Variants in BANP observed in about 807,000 individuals in gnomAD.
The protein encoded by BANP is BTG3 associated nuclear protein.
BANP carries 11 observed loss-of-function variants against 68.1 expected under a neutral mutation model. The observed-to-expected ratio is 0.16, with a 90% CI of 0.10 to 0.27. BANP has a LOEUF of 0.27. BANP is among the 10% of genes least tolerant of loss of function. The probability of loss-of-function intolerance (pLI) is 1.00; values close to 1 mark genes in which losing one functional copy is unlikely to be tolerated. For synonymous variants in BANP, 329 were observed against 303.2 expected (o/e 1.09, Z -0.88); for missense variants, 504 against 722.7 (o/e 0.70, Z 3.47).
In BANP at chr16:88,004,404, A is replaced by T; in HGVS notation, c.472A>T (p.Ile158Phe). 1 of 1,522,232 alleles carries T rather than the reference A, an allele frequency of 6.6e-7. No individual in the cohort carries two copies. The highest frequency in any genetic ancestry group is 1.2e-5 in the South Asian group (1 of 82,872). The allele number at this position is 1,522,232 out of a possible 1,614,324, so 94.3% of individuals were successfully genotyped here. A position where few individuals can be genotyped will look rare whatever the true frequency, so the allele number is the denominator to read the frequency against. The change falls in exon 5 of 14, where the codon ATT (isoleucine) becomes TTT (phenylalanine). Residue 158 changes from isoleucine to phenylalanine, a missense_variant. Physicochemically the swap from Ile to Phe is conservative, Grantham distance 21 (BLOSUM62 0). This residue lies in a region of BANP where 238 missense variants were observed against 278.9 expected (regional missense o/e 0.85). Transcript: ENST00000682872. This position sits in a 1 kb window ranked among gnomAD's most constrained non-coding sequence, Gnocchi z 7.0. ...NRAPDSLENV[I>F]SNAVPGRRQN... ...GGCACCGGATTCCCTGGAAAATGTC[A>T]TTAGCAAGTCAGTAGCACGGCACCA...
At position 87,962,167 on chromosome 16, in the gene BANP, G is replaced by T. The variant is rs552312017; in HGVS notation, c.-69+10652G>T. Among the ~76,000 whole-genome samples, 39 of 151,032 alleles carry T rather than the reference G, an allele frequency of 2.6e-4. 1 individual carries two copies. Among genetic ancestry groups the T allele is most frequent in the African/African-American group, 9.5e-4 (39 of 41,016 alleles). ...AGGCAGGAGAATCACTTGAACCCGG[G>T]AGGTGGAGGTTGCAGTGAGCCGAGA... is the stretch of plus-strand genomic sequence containing the variant. On this transcript the variant is annotated intron_variant, in intron 1 of 13. Coordinates refer to ENST00000682872, the MANE Select transcript of BANP (RefSeq NM_001386991.1).
At chr16:87,997,230 A>G (rs2067500481) in intron 4 of BANP, among the ~76,000 whole-genome samples, 1 of 152,226 alleles carries the variant, frequency 6.6e-6, no homozygotes, top group Admixed American at 6.5e-5. Flanking sequence ...AAGTGTTGGG[A>G]TTACAGGTGT....
intron 4 of BANP, among the ~76,000 whole-genome samples, chr16:87,985,970 TA>T (rs376473376): frequency 3.3e-5 from 5 of 152,328 alleles, no homozygotes; most frequent in African/African-American, 1.2e-4. Flanking sequence ...TTCAGAGAGT[TA>T]GAAGCATGTT....
rs193179624 is a variant in BANP at position 87,966,631 on chromosome 16, C to G, written c.-68-8417C>G. The stretch of plus-strand genomic sequence containing the variant: ...AGGATTCAGGATTTTATGGTGAGTT[C>G]AGAGCATTTTCTGAAGCCACTTGCA... On this transcript the variant is annotated intron_variant, in intron 1 of 13. Coordinates refer to ENST00000682872, the MANE Select transcript of BANP (RefSeq NM_001386991.1). The G allele has an allele frequency of 2.6e-5, 4 of 152,200 alleles. No individual in the cohort carries two copies. In the East Asian group the frequency reaches 7.7e-4, roughly 29 times the overall value. 9.4% of individuals were successfully genotyped at this position (152,200 alleles called of 1,614,324 possible).
intron 4 of BANP, among the ~76,000 whole-genome samples, chr16:87,994,430 A>G (rs2066674185): frequency 6.6e-6 from 1 of 152,226 alleles, no homozygotes; most frequent in South Asian, 2.1e-4. Context: ...CTCAAAGCCA[A>G]TTGCCAGAAG....
chr16:88,050,733 G>C (rs2083064112), intron 11 of BANP, among the ~76,000 whole-genome samples: 2 of 152,098 alleles, frequency 1.3e-5, no homozygotes, highest in African/African-American at 2.4e-5. Context: ...CTGTTGTCGA[G>C]GCTGGAGTGC....
intron 6 of BANP, among the ~76,000 whole-genome samples, chr16:88,017,991 T>G (rs1452901873): frequency 6.6e-6 from 1 of 151,978 alleles, no homozygotes; most frequent in African/African-American, 2.4e-5. Flanking sequence ...CTCTGCGTCT[T>G]TCTTGGTGGG....
chr16:88,008,022 G>A (rs1299700406), intron 6 of BANP, among the ~76,000 whole-genome samples: 1 of 152,176 alleles, frequency 6.6e-6, no homozygotes, highest in Non-Finnish European at 1.5e-5. Context: ...CCCATCAACA[G>A]TCACTTTCCA....
chr16:88,040,045 G>T (rs1020883218), intron 11 of BANP, among the ~76,000 whole-genome samples: 3 of 151,994 alleles, frequency 2.0e-5, no homozygotes, highest in Admixed American at 6.6e-5. Flanking sequence ...TCCTATTATC[G>T]GTCACATTTC....
chr16:88,053,940 C>T lies in BANP; in HGVS notation c.1312-11327C>T, dbSNP rs373741621. Among the ~76,000 whole-genome samples the T allele has an allele frequency of 1.6e-3, 165 of 103,514 alleles. 15 individuals carry two copies. The South Asian group carries it at 0.042, about 26-fold the overall frequency. The allele number at this position is 103,514 out of a possible 152,430, so 67.9% of individuals were successfully genotyped here. ...CTACCACTGTCATCTCCATCATCAT[C>T]ACCAACACAACCACCCTAACAGCCA... On this transcript the variant is annotated intron_variant, in intron 11 of 13. Transcript: ENST00000682872.
chr16:88,064,130 CAG>C lies in BANP; in HGVS notation c.1312-1136_1312-1135del, dbSNP rs150431983. On this transcript the variant is annotated intron_variant, in intron 11 of 13. Transcript: ENST00000682872. The surrounding 1 kb of genome is among the most constrained non-coding windows in gnomAD (Gnocchi z 4.5). ...GGCACCGGCGCTGGGGGACCAGGGT[CAG>C]GGGGCTCTCTTCAGAGACGGCAGAG... Among the ~76,000 whole-genome samples the C allele has an allele frequency of 6.0e-3, 893 of 148,796 alleles. 4 individuals are homozygous for C. Among genetic ancestry groups the C allele is most frequent in the Non-Finnish European group, 0.011 (715 of 67,628 alleles).
Position 87,981,130 on chromosome 16 carries a change from A to G in BANP, c.162+3A>G, listed in dbSNP as rs780594619. 6.2e-7 allele frequency: 1 copy of G among 1,611,818 alleles called. No homozygotes were observed. ...ATTGCCAGGATCCATCTATAAAGGT[A>G]AAAATCTGACTCTGTTCTGTGGTGT... On this transcript the variant is annotated splice_donor_region_variant and intron_variant, in intron 3 of 13. Coordinates refer to ENST00000682872, the MANE Select transcript of BANP (RefSeq NM_001386991.1).
intron 13 of BANP, among the ~76,000 whole-genome samples, chr16:88,073,405 C>G (rs539083408): frequency 1.7e-3 from 255 of 152,014 alleles, no homozygotes; most frequent in Non-Finnish European, 3.0e-3. Context: ...GAGGCACGCC[C>G]TGTACTCTGC....
chr16:88,054,479 A>C (rs981724782), intron 11 of BANP, among the ~76,000 whole-genome samples: 1 of 151,356 alleles, frequency 6.6e-6, no homozygotes, highest in African/African-American at 2.4e-5. Context: ...ACCACTACCA[A>C]CAACACATCT....
At chr16:87,988,650 G>C (rs1003769613) in intron 4 of BANP, among the ~76,000 whole-genome samples, 1 of 152,172 alleles carries the variant, frequency 6.6e-6, no homozygotes, top group African/African-American at 2.4e-5. Flanking sequence ...AAAATAGCCC[G>C]GGGTTCCCAG....
chr16:87,953,868 T>C (rs997769034), intron 1 of BANP, among the ~76,000 whole-genome samples: 1 of 152,220 alleles, frequency 6.6e-6, no homozygotes, highest in African/African-American at 2.4e-5. Flanking sequence ...CAGGAATGTT[T>C]TCATCTTGGC....
intron 1 of BANP, among the ~76,000 whole-genome samples, chr16:87,960,955 G>T (rs1388626111): frequency 2.0e-5 from 3 of 152,190 alleles, no homozygotes; most frequent in African/African-American, 7.2e-5. Flanking sequence ...GAGCCCGAGA[G>T]CTCCCAATAA....
intron 11 of BANP, among the ~76,000 whole-genome samples, chr16:88,044,241 C>T (rs7501339): frequency 0.26 from 39,399 of 152,196 alleles, 5,705 homozygotes; most frequent in East Asian, 0.59. Context: ...GCGCAAGCCA[C>T]AGCAGGAAGC....
intron 8 of BANP, among the ~76,000 whole-genome samples, chr16:88,028,726 T>C (rs528027545): frequency 1.4e-4 from 21 of 152,340 alleles, no homozygotes; most frequent in Non-Finnish European, 2.5e-4. Flanking sequence ...CCTGTGGCTA[T>C]TGAAATGCGG....
Sources: allele counts gnomAD v4.1 joint callset (sites outside exome capture counted in the v4.1 genomes callset), GRCh38; gene constraint gnomAD v4.1.1; regional missense constraint gnomAD v4.1.1; non-coding constraint Gnocchi (gnomAD v3.1); transcripts MANE v1.5; gene names NCBI Gene and HGNC (gene_info 2026-07-23, HGNC 2026-07-21).